The following ASCC3 variants were observed in gnomAD, a reference collection of about 807,000 sequenced individuals.
ASCC3 encodes the protein activating signal cointegrator 1 complex subunit 3.
A neutral mutation model predicts 256.3 loss-of-function variants in ASCC3; 158 were observed. The ratio of observed to expected loss-of-function variants is 0.62; its 90% confidence interval spans 0.54 to 0.70. The LOEUF (loss-of-function observed/expected upper bound fraction) is 0.70. Among genes scored for constraint, ASCC3 ranks in the 30% least tolerant of loss-of-function variants. The pLI is 0.00. For missense variants in ASCC3, 2,259 were observed against 2,626.0 expected, an observed-to-expected ratio of 0.86 and a Z score of 3.05; for synonymous variants, 948 against 883.4, an observed-to-expected ratio of 1.07 and a Z score of -1.30.
intron 34 of ASCC3, among the ~76,000 whole-genome samples, chr6:100,600,211 A>ACACACACACACACGCACATG (rs1772532576): frequency 1.5e-5 from 1 of 68,488 alleles, no homozygotes; most frequent in Non-Finnish European, 4.7e-5. Context: ...ACATGCACAC[A>ACACACACACACACGCACATG]CACACACACA....
At chr6:100,516,842 A>G (rs1213150523) in intron 38 of ASCC3, among the ~76,000 whole-genome samples, 2 of 152,122 alleles carry the variant, frequency 1.3e-5, no homozygotes, top group Non-Finnish European at 2.9e-5. Flanking sequence ...TATAATTGAA[A>G]TTACATTAAT....
chr6:100,682,227 C>T (rs1777344085), intron 13 of ASCC3, among the ~76,000 whole-genome samples: 1 of 151,956 alleles, frequency 6.6e-6, no homozygotes, highest in East Asian at 1.9e-4. Context: ...TTTATTTATT[C>T]ATTCATTCAT....
At chr6:100,854,262 G>A (rs1182273262) in intron 3 of ASCC3, among the ~76,000 whole-genome samples, 1 of 151,574 alleles carries the variant, frequency 6.6e-6, no homozygotes, top group Non-Finnish European at 1.5e-5. Context: ...GTGGCTTTTG[G>A]GGGAATAAAA....
chr6:100,743,631 T>C (rs1780533757), intron 10 of ASCC3, among the ~76,000 whole-genome samples: 1 of 152,204 alleles, frequency 6.6e-6, no homozygotes, highest in South Asian at 2.1e-4. Context: ...TTTGTATAAA[T>C]AGTAATTTAT....
intron 13 of ASCC3, among the ~76,000 whole-genome samples, chr6:100,684,802 CTTTT>C (rs34237443): frequency 8.4e-5 from 8 of 94,720 alleles, no homozygotes; most frequent in Admixed American, 6.4e-4. Context: ...GAATCAAACT[CTTTT>C]TTTTTTTTTT....
intron 4 of ASCC3, among the ~76,000 whole-genome samples, chr6:100,821,602 G>A (rs941283713): frequency 1.3e-5 from 2 of 152,088 alleles, no homozygotes; most frequent in Admixed American, 1.3e-4. Flanking sequence ...GAGGTGGGTG[G>A]ATCACAAGGT....
chr6:100,672,434 A>G (rs892353489), intron 14 of ASCC3, among the ~76,000 whole-genome samples: 5 of 152,048 alleles, frequency 3.3e-5, no homozygotes, highest in Non-Finnish European at 7.4e-5. Context: ...CTAGATGATA[A>G]AGTCCATTCT....
At chr6:100,512,343 G>C (rs1773804238) in intron 40 of ASCC3, among the ~76,000 whole-genome samples, 1 of 152,182 alleles carries the variant, frequency 6.6e-6, no homozygotes, top group South Asian at 2.1e-4. Flanking sequence ...GGGGCACTGA[G>C]TGAAGGTATA....
In ASCC3 at chr6:100,516,247, C is replaced by T. The variant is rs1338979407; in HGVS notation, c.6008G>A (p.Cys2003Tyr). 1 of 1,613,754 alleles carries T rather than the reference C, an allele frequency of 6.2e-7. No homozygotes were observed. The highest frequency in any genetic ancestry group is 1.7e-5 in the Admixed American group (1 of 59,996). Reference protein sequence around the residue: ...IESLPELIHACGGKDHVFSSM... With the variant: ...IESLPELIHAYGGKDHVFSSM... ...GCTAAATACATGGTCTTTCCCTCCA[C>T]AGGCATGGATCAGTTCAGGAAGGGA... Residue 2003 changes from cysteine to tyrosine, a missense_variant, in exon 39 of 42, where the codon TGT (cysteine) becomes TAT (tyrosine). Physicochemically the swap from Cys to Tyr is radical, Grantham distance 194. Coordinates refer to ENST00000369162, the MANE Select transcript of ASCC3 (RefSeq NM_006828.4).
intron 34 of ASCC3, among the ~76,000 whole-genome samples, chr6:100,600,407 C>T (rs1035305104): frequency 9.9e-5 from 15 of 151,978 alleles, no homozygotes; most frequent in African/African-American, 3.6e-4. Flanking sequence ...GATTCTAATC[C>T]TGTAATGTGT....
intron 30 of ASCC3, among the ~76,000 whole-genome samples, chr6:100,619,684 C>T (rs184890097): frequency 7.9e-5 from 12 of 152,182 alleles, no homozygotes; most frequent in Non-Finnish European, 1.2e-4. Flanking sequence ...AGAGTGGTCT[C>T]TAATCATTTT....
chr6:100,568,779 TA>T (rs1562125452), intron 36 of ASCC3, among the ~76,000 whole-genome samples: 2,017 of 147,600 alleles, frequency 0.014, 56 homozygotes, highest in African/African-American at 0.047. Context: ...TTATTATTAT[TA>T]TTATTATTAT....
intron 37 of ASCC3, among the ~76,000 whole-genome samples, chr6:100,536,326 T>C (rs1476345318): frequency 6.6e-6 from 1 of 152,156 alleles, no homozygotes; most frequent in East Asian, 1.9e-4. Context: ...ATAAGAATGA[T>C]AAATATAGAT....
At position 100,605,680 on chromosome 6, in the gene ASCC3, G is replaced by A. The variant is rs527410635; in HGVS notation, c.5065C>T (p.Arg1689Cys). ...PITDVLQMMG[R>C]AGRPQFDDQG... Reference sequence around the variant, plus strand: ...TCATCGAACTGCGGCCTCCCAGCACGCCCCATCATCTGGAGGACATCTTTA... The same window carrying A: ...TCATCGAACTGCGGCCTCCCAGCACACCCCATCATCTGGAGGACATCTTTA... The change falls in exon 33 of 42, where the codon CGT becomes TGT. Residue 1689 changes from arginine to cysteine, a missense_variant. Transcript: ENST00000369162. The A allele has an allele frequency of 5.6e-6, 9 of 1,613,258 alleles. No homozygotes were observed. Among genetic ancestry groups the A allele is most frequent in the African/African-American group, 2.7e-5 (2 of 74,968 alleles).
rs117922845 is a variant in ASCC3, at chr6:100,636,270, T to A, written c.4122+2331A>T. 9.4e-3 allele frequency among the ~76,000 whole-genome samples: 1,434 copies of A among 152,304 alleles called. 19 individuals carry two copies. The highest frequency in any genetic ancestry group is 0.012 in the Non-Finnish European group (835 of 68,018). On this transcript the variant is annotated intron_variant, in intron 25 of 41. Transcript: ENST00000369162. ...TGGTAATTCTACCAATATTTCTAAC[T>A]TTTTCTGTATTATTATATCGGTTAT...
At chr6:100,746,155 T>A (rs1582799859) in intron 10 of ASCC3, among the ~76,000 whole-genome samples, 1 of 49,326 alleles carries the variant, frequency 2.0e-5, no homozygotes, top group Non-Finnish European at 5.4e-5. Context: ...GAACAATTTT[T>A]AAAATAAAGA....
At chr6:100,586,225 G>C (rs899454441) in intron 36 of ASCC3, among the ~76,000 whole-genome samples, 146 of 152,346 alleles carry the variant, frequency 9.6e-4, no homozygotes, top group South Asian at 1.7e-3. Flanking sequence ...TTGAGCTGTG[G>C]TGGGCTCCAC....
At chr6:100,856,406 T>C in intron 3 of ASCC3, 2 of 984,018 alleles carry the variant, frequency 2.0e-6, no homozygotes, top group Non-Finnish European at 2.4e-6. Flanking sequence ...TTAAGCTAAA[T>C]AAATACACAA....
intron 29 of ASCC3, 33 bp downstream of exon 29, chr6:100,627,557 G>T (rs754627184): frequency 6.2e-7 from 1 of 1,611,678 alleles, no homozygotes. Context: ...ATAAACAATG[G>T]TTACTATTTT....
Sources: allele counts gnomAD v4.1 joint callset (sites outside exome capture counted in the v4.1 genomes callset), GRCh38; gene constraint gnomAD v4.1.1; transcripts MANE v1.5; gene names NCBI Gene and HGNC (gene_info 2026-07-23, HGNC 2026-07-21).